The following ZNF610 variants were observed in gnomAD, a reference collection of about 807,000 sequenced individuals.
ZNF610 encodes the protein zinc finger protein 610.
A neutral mutation model predicts 14.1 loss-of-function variants in ZNF610; 14 were observed. The observed-to-expected ratio is 0.99, with a 90% CI of 0.65 to 1.55. The LOEUF is 1.55. Among genes scored for constraint, ZNF610 ranks in the 40% most tolerant of loss-of-function variants. ZNF610 has a pLI of 0.00. For missense variants in ZNF610, 530 were observed against 558.0 expected (o/e 0.95, Z 0.51); for synonymous variants, 185 against 187.6 (o/e 0.99, Z 0.11).
intron 3 of ZNF610, among the ~76,000 whole-genome samples, chr19:52,351,547 A>C (rs528854478): frequency 3.3e-5 from 5 of 150,750 alleles, no homozygotes; most frequent in Non-Finnish European, 2.9e-5. Context: ...GCCCAGGAGG[A>C]GTCTCTGGAG....
Position 52,365,845 on chromosome 19 carries a change from A to G in ZNF610, c.467A>G (p.Asn156Ser), listed in dbSNP as rs779126765. The G allele has an allele frequency of 8.1e-6, 13 of 1,614,008 alleles. No individual in the cohort carries two copies. In the South Asian group the frequency reaches 1.4e-4, roughly 18 times the overall value. Reference protein sequence around the residue: ...YRSNQVEKFTNHRSSVSPLQK... With the variant: ...YRSNQVEKFTSHRSSVSPLQK... Reference sequence around the variant, plus strand: ...AGTAATCAAGTTGAAAAGTTTACAAACCATCGTTCCTCAGTTTCACCACTT... The same window carrying G: ...AGTAATCAAGTTGAAAAGTTTACAAGCCATCGTTCCTCAGTTTCACCACTT... The change falls in exon 6 of 6, where the codon AAC becomes AGC. Residue 156 changes from asparagine (N) to serine (S), a missense_variant. Physicochemically the swap from Asn to Ser is conservative, Grantham distance 46. Transcript: ENST00000403906.
chr19:52,350,659 C>T (rs1199343827), intron 3 of ZNF610, among the ~76,000 whole-genome samples: 2 of 151,760 alleles, frequency 1.3e-5, no homozygotes, highest in Non-Finnish European at 2.9e-5. Context: ...GCCTGGGCGA[C>T]AGAGCAAGAC....
At chr19:52,333,305 G>A (rs1433296280), upstream of ZNF610, among the ~76,000 whole-genome samples, 1 of 152,202 alleles carries the variant, frequency 6.6e-6, no homozygotes, top group African/African-American at 2.4e-5. Flanking sequence ...AGGCTCAGCA[G>A]CAGAAAAGCT....
chr19:52,333,385 C>T (rs373988098), upstream of ZNF610, among the ~76,000 whole-genome samples: 18 of 152,154 alleles, frequency 1.2e-4, no homozygotes, highest in East Asian at 5.8e-4. Context: ...GAGGGACCGG[C>T]GCAGACACAG....
At chr19:52,339,514 C>CT (rs1227442180) in intron 1 of ZNF610, among the ~76,000 whole-genome samples, 2 of 152,108 alleles carry the variant, frequency 1.3e-5, no homozygotes, top group Non-Finnish European at 2.9e-5. Context: ...CCTGCAAGCG[C>CT]TTTTTAACAA....
At chr19:52,348,521 T>C (rs1985076444) in intron 2 of ZNF610, among the ~76,000 whole-genome samples, 1 of 152,216 alleles carries the variant, frequency 6.6e-6, no homozygotes, top group South Asian at 2.1e-4. Context: ...GTGAATAGTC[T>C]TCTTTTTGAT....
At chr19:52,349,327 G>T in intron 3 of ZNF610, 92 bp downstream of exon 3, 1 of 1,415,896 alleles carries the variant, frequency 7.1e-7, no homozygotes. Flanking sequence ...ACTCACCCAT[G>T]CCTTCCCTCA....
the ZNF610 span, among the ~76,000 whole-genome samples, chr19:52,330,676 C>G: frequency 6.6e-6 from 1 of 152,126 alleles, no homozygotes; most frequent in African/African-American, 2.4e-5. Flanking sequence ...GCAGGACACG[C>G]TGAGGTCTGA....
upstream of ZNF610, among the ~76,000 whole-genome samples, chr19:52,332,618 C>T (rs183841563): frequency 2.5e-4 from 38 of 152,292 alleles, no homozygotes; most frequent in Non-Finnish European, 4.0e-4. This position sits in a 1 kb window ranked among gnomAD's most constrained non-coding sequence, Gnocchi z 4.1. Context: ...CCACCACCTT[C>T]GGTGGCAGAA....
At position 52,366,284 on chromosome 19, in the gene ZNF610, A is replaced by C. The variant is rs1986046062; in HGVS notation, c.906A>C (p.Gly302=). The part of the protein sequence containing the change: ...ECGKAFRECS[G]LTTHLVIHTG... ...GCAAAGCTTTTAGAGAGTGTTCGGGACTTACTACCCATCTTGTAATCCATA... is the reference window on the plus strand; with the variant it reads ...GCAAAGCTTTTAGAGAGTGTTCGGGCCTTACTACCCATCTTGTAATCCATA... The change falls in exon 6 of 6, where the codon GGA becomes GGC. Residue 302 remains glycine, a synonymous_variant. Transcript: ENST00000403906. 3.1e-6 allele frequency: 5 copies of C among 1,613,300 alleles called. No individual in the cohort carries two copies. Among genetic ancestry groups the C allele is most frequent in the Non-Finnish European group, 4.2e-6 (5 of 1,179,394 alleles).
chr19:52,332,931 C>T (rs979626345), upstream of ZNF610, among the ~76,000 whole-genome samples: 5 of 152,110 alleles, frequency 3.3e-5, no homozygotes, highest in East Asian at 1.9e-4. The surrounding 1 kb of genome is among the most constrained non-coding windows in gnomAD (Gnocchi z 4.1). Flanking sequence ...TTTAATGTTA[C>T]GGGCTTTAAT....
the ZNF610 span, among the ~76,000 whole-genome samples, chr19:52,331,102 C>T: frequency 2.0e-5 from 3 of 152,124 alleles, no homozygotes; most frequent in African/African-American, 7.2e-5. Flanking sequence ...TACAATATGG[C>T]AGGGAGAGAA....
At chr19:52,334,045 T>A (rs1473398832), upstream of ZNF610, among the ~76,000 whole-genome samples, 1 of 152,196 alleles carries the variant, frequency 6.6e-6, no homozygotes, top group Non-Finnish European at 1.5e-5. Context: ...AAATTATGAA[T>A]AAGTTGATGG....
At chr19:52,349,861 G>A (rs1985165859) in intron 3 of ZNF610, among the ~76,000 whole-genome samples, 1 of 152,146 alleles carries the variant, frequency 6.6e-6, no homozygotes, top group African/African-American at 2.4e-5. Flanking sequence ...GAGCCACCGC[G>A]CCTGGCCTGA....
upstream of ZNF610, among the ~76,000 whole-genome samples, chr19:52,334,508 G>A (rs1486699644): frequency 6.6e-6 from 1 of 151,696 alleles, no homozygotes; most frequent in Non-Finnish European, 1.5e-5. Flanking sequence ...GTGAGACTTT[G>A]TCTCAAAAAT....
At chr19:52,331,912 C>A (rs185539190), upstream of ZNF610, among the ~76,000 whole-genome samples, 10 of 152,174 alleles carry the variant, frequency 6.6e-5, no homozygotes, top group African/African-American at 2.4e-4. Context: ...TTACAAGTGG[C>A]GCCTGAACAG....
chr19:52,333,974 T>A (rs901229209), upstream of ZNF610, among the ~76,000 whole-genome samples: 3 of 152,134 alleles, frequency 2.0e-5, no homozygotes, highest in Non-Finnish European at 4.4e-5. Context: ...CTTGGTCACA[T>A]CCCACAGGCC....
At chr19:52,346,144 G>T (rs1600231887) in intron 1 of ZNF610, among the ~76,000 whole-genome samples, 1 of 150,462 alleles carries the variant, frequency 6.6e-6, no homozygotes, top group Non-Finnish European at 1.5e-5. Flanking sequence ...GATTACAGGT[G>T]CCTGCCACTA....
chr19:52,332,197 T>C (rs1984231040), upstream of ZNF610, among the ~76,000 whole-genome samples: 1 of 150,544 alleles, frequency 6.6e-6, no homozygotes, highest in Admixed American at 6.6e-5. The surrounding 1 kb of genome is among the most constrained non-coding windows in gnomAD (Gnocchi z 4.1). Context: ...ATTTGTCTAT[T>C]GAAGAAACAT....
Sources: allele counts gnomAD v4.1 joint callset (sites outside exome capture counted in the v4.1 genomes callset), GRCh38; gene constraint gnomAD v4.1.1; non-coding constraint Gnocchi (gnomAD v3.1); transcripts MANE v1.5; gene names NCBI Gene and HGNC (gene_info 2026-07-23, HGNC 2026-07-21).